Variants in LMLN observed in about 807,000 individuals in gnomAD.
The protein encoded by LMLN is leishmanolysin-like peptidase.
A neutral mutation model predicts 92.3 loss-of-function variants in LMLN; 70 were observed. That is an observed-to-expected ratio of 0.76 (90% CI 0.63 to 0.92). The LOEUF is 0.92. LMLN is among the 40% of genes least tolerant of loss of function. The pLI, the probability that LMLN is intolerant of heterozygous loss-of-function variation, is 0.00. For synonymous variants in LMLN, 308 were observed against 296.2 expected (o/e 1.04, Z -0.41); for missense variants, 691 against 814.6 (o/e 0.85, Z 1.85).
intron 11 of LMLN, among the ~76,000 whole-genome samples, chr3:198,011,713 T>G (rs1389868056): frequency 1.3e-5 from 2 of 151,832 alleles, no homozygotes; most frequent in East Asian, 1.9e-4. Flanking sequence ...ACTTCCACAA[T>G]GGTTGAACTA....
At chr3:197,960,250 C>A (rs1369232028) in exon 1 of LMLN, 1 of 1,611,272 alleles carries the variant, frequency 6.2e-7, no homozygotes, top group South Asian at 1.1e-5. Flanking sequence ...CCGAAGATGG[C>A]GGCCGAATGG....
At chr3:198,035,398 C>G (rs536772244) in intron 14 of LMLN, among the ~76,000 whole-genome samples, 4 of 139,614 alleles carry the variant, frequency 2.9e-5, no homozygotes, top group South Asian at 4.7e-4. Context: ...GAGTCTCGCT[C>G]TGTTGGCAGG....
chr3:197,996,438 C>T, intron 10 of LMLN, 156 bp downstream of exon 10: 1 of 473,434 alleles, frequency 2.1e-6, no homozygotes. Context: ...TCACTCCTTA[C>T]TTTTTTTGTA....
At chr3:198,012,073 T>G (rs192712607) in intron 11 of LMLN, among the ~76,000 whole-genome samples, 2 of 152,208 alleles carry the variant, frequency 1.3e-5, no homozygotes, top group Non-Finnish European at 2.9e-5. Flanking sequence ...TTTTATTTTT[T>G]AAATTTTTTT....
chr3:197,978,941 G>T (rs1168553940), intron 5 of LMLN, among the ~76,000 whole-genome samples: 5 of 152,018 alleles, frequency 3.3e-5, no homozygotes, highest in Non-Finnish European at 5.9e-5. Context: ...GTGAGCCCAG[G>T]TCACATACCA....
rs757569588 is a variant in LMLN, at chr3:197,976,635, G to A, written c.469G>A (p.Asp157Asn). 6 of 1,599,186 alleles carry A rather than the reference G, an allele frequency of 3.8e-6. No individual in the cohort carries two copies. The East Asian group carries it at 6.8e-5, about 18-fold the overall frequency. The change falls in exon 5 of 16, where the codon GAT becomes AAT. Residue 157 changes from aspartate (D) to asparagine (N), a missense_variant. Transcript: ENST00000330198. ...AAACCAATACCTCCGGAAGGAAAAC[G>A]ATCCTCACAGGTACTGCACCGGGGA...
chr3:198,038,951 A>T (rs953861474), exon 16 of LMLN: 1 of 333,486 alleles, frequency 3.0e-6, no homozygotes, highest in South Asian at 3.6e-5. Context: ...CTCGTCAGCA[A>T]CCCAGCCACC....
intron 14 of LMLN, among the ~76,000 whole-genome samples, chr3:198,033,439 T>TG (rs369053721): frequency 0.069 from 10,492 of 151,864 alleles, 459 homozygotes; most frequent in African/African-American, 0.12. Context: ...TTTTTTGAGA[T>TG]GGAGTCTCAC....
chr3:197,999,386 G>A (rs1722111508), intron 11 of LMLN, 44 bp downstream of exon 11: 1 of 1,302,850 alleles, frequency 7.7e-7, no homozygotes, highest in Admixed American at 1.7e-5. Context: ...TTATGAAAAT[G>A]AAATTAATAC....
At chr3:198,016,441 G>A (rs955156305) in intron 11 of LMLN, among the ~76,000 whole-genome samples, 5 of 152,124 alleles carry the variant, frequency 3.3e-5, no homozygotes, top group African/African-American at 9.7e-5. Context: ...TATGAAAATC[G>A]TCTACAGAAC....
At chr3:197,997,765 A>G (rs1022453408) in intron 10 of LMLN, among the ~76,000 whole-genome samples, 9 of 152,232 alleles carry the variant, frequency 5.9e-5, no homozygotes, top group African/African-American at 2.2e-4. Flanking sequence ...ACATGAGTTC[A>G]TTCACATCGC....
At chr3:198,041,919 C>CTTTA (rs1240400244) in exon 16 of LMLN, 1 of 151,928 alleles carries the variant, frequency 6.6e-6, no homozygotes, top group Admixed American at 6.6e-5. Flanking sequence ...TATATTTTTG[C>CTTTA]TTTATTTTTT....
At chr3:198,018,769 T>C (rs1374665027) in intron 11 of LMLN, among the ~76,000 whole-genome samples, 2 of 152,248 alleles carry the variant, frequency 1.3e-5, no homozygotes, top group East Asian at 3.8e-4. Flanking sequence ...ATTTTATCTA[T>C]GAAGCTGCTA....
intron 6 of LMLN, among the ~76,000 whole-genome samples, chr3:197,981,302 G>A (rs1721551488): frequency 6.6e-6 from 1 of 152,052 alleles, no homozygotes; most frequent in African/African-American, 2.4e-5. Flanking sequence ...AGCCTGGGAG[G>A]TGGAGCTTGC....
exon 16 of LMLN, chr3:198,038,736 G>A: frequency 8.3e-7 from 1 of 1,202,756 alleles, no homozygotes; most frequent in Non-Finnish European, 1.2e-6. Context: ...CAAAGTTTGA[G>A]TGAGTGCCAA....
chr3:197,964,568 T>A (rs1720998319), intron 1 of LMLN, among the ~76,000 whole-genome samples: 1 of 151,892 alleles, frequency 6.6e-6, no homozygotes, highest in African/African-American at 2.4e-5. Context: ...CCAGCTAATT[T>A]TTGTATTTTT....
At chr3:197,998,985 T>A (rs1456585512) in intron 10 of LMLN, among the ~76,000 whole-genome samples, 1 of 152,224 alleles carries the variant, frequency 6.6e-6, no homozygotes, top group Admixed American at 6.5e-5. Context: ...CATTTCTGTT[T>A]CCATATAGAT....
chr3:198,000,276 T>C (rs1035744351), intron 11 of LMLN, among the ~76,000 whole-genome samples: 22 of 152,248 alleles, frequency 1.4e-4, no homozygotes, highest in African/African-American at 4.6e-4. Flanking sequence ...CGTTGTTACC[T>C]CTTACTCTTT....
Position 198,019,275 on chromosome 3 carries a change from T to C in LMLN, c.1255T>C (p.Cys419Arg). The change falls in exon 12 of 16, where the codon TGT becomes CGT. Residue 419 changes from cysteine (C) to arginine (R), a missense_variant. Transcript: ENST00000330198. This position sits in a 1 kb window ranked among gnomAD's most constrained non-coding sequence, Gnocchi z 5.5. ...CAGGAGACAGATGCTGAGCCCTTACTGTGACACGCTCAGAAGTAACCCACT... is the reference window on the plus strand; with the variant it reads ...CAGGAGACAGATGCTGAGCCCTTACCGTGACACGCTCAGAAGTAACCCACT... The C allele has an allele frequency of 6.2e-7, 1 of 1,613,720 alleles. No individual in the cohort carries two copies. The highest frequency in any genetic ancestry group is 1.1e-5 in the South Asian group (1 of 90,954).
Sources: gnomAD v4.1 joint callset for allele counts (sites outside exome capture counted in the v4.1 genomes callset) on GRCh38, gnomAD v4.1.1 for gene constraint, Gnocchi (gnomAD v3.1) non-coding constraint, MANE v1.5 for transcripts, NCBI Gene and HGNC (gene_info 2026-07-23, HGNC 2026-07-21) for gene names.